Variants in VRTN observed in about 807,000 individuals in gnomAD.
VRTN encodes the protein vertnin.
VRTN carries 5 observed loss-of-function variants against 18.2 expected under a neutral mutation model. The ratio of observed to expected loss-of-function variants is 0.27; its 90% CI spans 0.14 to 0.58. The LOEUF (loss-of-function observed/expected upper bound fraction) is 0.58. Among genes scored for constraint, VRTN ranks in the 20% least tolerant of loss-of-function variants. The pLI is 0.91. For synonymous variants in VRTN, 381 were observed against 393.7 expected (o/e 0.97, Z 0.38); for missense variants, 741 against 939.4 (o/e 0.79, Z 2.76).
intron 1 of VRTN, among the ~76,000 whole-genome samples, chr14:74,308,180 C>T (rs1307885143): frequency 6.6e-6 from 1 of 152,034 alleles, no homozygotes; most frequent in Admixed American, 6.6e-5. Context: ...TTTGGGAGGC[C>T]AAGGCCAGAG....
At chr14:74,340,104 G>A (rs1280420012) in intron 2 of VRTN, among the ~76,000 whole-genome samples, 1 of 132,026 alleles carries the variant, frequency 7.6e-6, no homozygotes, top group East Asian at 2.5e-4. Context: ...CTCAGCTAAT[G>A]TTTGTATTTT....
chr14:74,307,763 C>T (rs564682724), intron 1 of VRTN, among the ~76,000 whole-genome samples: 1 of 152,014 alleles, frequency 6.6e-6, no homozygotes, highest in East Asian at 1.9e-4. Context: ...TGGAGTCTCG[C>T]TCTGTTGCCC....
upstream of VRTN, among the ~76,000 whole-genome samples, chr14:74,347,909 G>A (rs772940250): frequency 1.3e-5 from 2 of 152,182 alleles, no homozygotes; most frequent in Admixed American, 6.5e-5. Context: ...GATGCTCAGA[G>A]AATGGTGGAG....
At chr14:74,333,417 G>A (rs567894272) in intron 1 of VRTN, among the ~76,000 whole-genome samples, 1 of 151,674 alleles carries the variant, frequency 6.6e-6, no homozygotes, top group South Asian at 2.1e-4. Flanking sequence ...TTGAACCCGG[G>A]AGATCAAGGC....
upstream of VRTN, among the ~76,000 whole-genome samples, chr14:74,347,753 C>T (rs1295934211): frequency 6.6e-6 from 1 of 152,220 alleles, no homozygotes; most frequent in Non-Finnish European, 1.5e-5. Context: ...GGGGGAGGGA[C>T]CGAAGCTGCA....
chr14:74,340,855 A>G (rs78347345), intron 2 of VRTN, among the ~76,000 whole-genome samples: 2,563 of 152,232 alleles, frequency 0.017, 90 homozygotes, highest in East Asian at 0.15. Context: ...GGTTCAAGCA[A>G]TTCTCCTGCC....
upstream of VRTN, among the ~76,000 whole-genome samples, chr14:74,345,345 T>TC (rs2085636608): frequency 8.0e-6 from 1 of 125,516 alleles, no homozygotes; most frequent in Admixed American, 7.8e-5. Flanking sequence ...GCACCCTGCC[T>TC]ATTTTTTTTT....
At chr14:74,355,702 CT>C (rs370960274) in intron 1 of VRTN, among the ~76,000 whole-genome samples, 8 of 148,970 alleles carry the variant, frequency 5.4e-5, no homozygotes, top group Non-Finnish European at 7.5e-5. Context: ...GCCTGGCTAA[CT>C]TTTTTTTTTG....
At chr14:74,340,445 C>T (rs575694050) in intron 2 of VRTN, among the ~76,000 whole-genome samples, 3 of 151,540 alleles carry the variant, frequency 2.0e-5, no homozygotes, top group African/African-American at 7.3e-5. Context: ...GGGGTTTCAC[C>T]ATATTGGTCA....
intron 1 of VRTN, among the ~76,000 whole-genome samples, chr14:74,316,756 C>T (rs1005798697): frequency 6.6e-6 from 1 of 151,182 alleles, no homozygotes; most frequent in African/African-American, 2.4e-5. Flanking sequence ...CCTGCCTCAG[C>T]CTCCCGAGTA....
At position 74,334,242 on chromosome 14, in the gene VRTN, A is replaced by G. The variant is rs570947357; in HGVS notation, c.-163-3481A>G. Among the ~76,000 whole-genome samples the G allele has an allele frequency of 6.6e-5, 10 of 152,178 alleles. No individual in the cohort carries two copies. In the East Asian group the frequency reaches 1.9e-3, roughly 29 times the overall value. On this transcript the variant is annotated intron_variant, in intron 1 of 2. Coordinates refer to the VRTN transcript ENST00000557177. Reference sequence around the variant, plus strand: ...GATATAAGTTCATTAAAAACAATAAACCTAGGCTGGGCACAGTGGCTCATG... The same window carrying G: ...GATATAAGTTCATTAAAAACAATAAGCCTAGGCTGGGCACAGTGGCTCATG...
chr14:74,316,182 G>C (rs1458033619), intron 1 of VRTN, among the ~76,000 whole-genome samples: 1 of 152,024 alleles, frequency 6.6e-6, no homozygotes, highest in Non-Finnish European at 1.5e-5. Flanking sequence ...GTGCTTCTTG[G>C]GATAGGGTGG....
intron 1 of VRTN, among the ~76,000 whole-genome samples, chr14:74,309,905 C>T (rs972768491): frequency 2.0e-5 from 3 of 151,822 alleles, no homozygotes; most frequent in African/African-American, 7.3e-5. Flanking sequence ...TAGATGATGC[C>T]GTAGTTTCAT....
At position 74,357,491 on chromosome 14, in the gene VRTN, C is replaced by T. The variant is rs113130130; in HGVS notation, c.708C>T (p.Tyr236=). 18 of 1,612,768 alleles carry T rather than the reference C, an allele frequency of 1.1e-5. No homozygotes were observed. In the African/African-American group the frequency reaches 1.5e-4, roughly 13 times the overall value. The change falls in exon 2 of 2, where the codon TAC becomes TAT. Residue 236 remains tyrosine, a synonymous_variant. Coordinates refer to ENST00000256362, the MANE Select transcript of VRTN (RefSeq NM_018228.3). The surrounding 1 kb of genome is among the most constrained non-coding windows in gnomAD (Gnocchi z 7.8). The part of the protein sequence containing the change: ...PLTSHFFRHQ[Y]FAPVVGLEEV... ...CCAGCCACTTCTTCCGCCACCAGTA[C>T]TTTGCCCCTGTGGTGGGGCTGGAAG...
rs368393704 is a variant in VRTN at position 74,358,271 on chromosome 14, G to A, written c.1488G>A (p.Glu496=). Residue 496 remains glutamate (E), a synonymous_variant, in exon 2 of 2, where the codon GAG becomes GAA. Coordinates refer to ENST00000256362, the MANE Select transcript of VRTN (RefSeq NM_018228.3). This position sits in a 1 kb window ranked among gnomAD's most constrained non-coding sequence, Gnocchi z 5.4. ...GTGAGGACCCTCCCGCCCCCGGGGAGCTCCTGCCACTAAGGATGCCCCTGT... is the reference window on the plus strand; with the variant it reads ...GTGAGGACCCTCCCGCCCCCGGGGAACTCCTGCCACTAAGGATGCCCCTGT... ...ATGEDPPAPG[E]LLPLRMPLSR... The A allele has an allele frequency of 4.8e-5, 77 of 1,610,708 alleles. No homozygotes were observed. The highest frequency in any genetic ancestry group is 6.3e-5 in the Non-Finnish European group (74 of 1,178,200).
At chr14:74,311,474 G>A (rs1191759943) in intron 1 of VRTN, among the ~76,000 whole-genome samples, 1 of 150,304 alleles carries the variant, frequency 6.7e-6, no homozygotes, top group African/African-American at 2.5e-5. Context: ...AAGCTGGAGT[G>A]CAGTGGCGTG....
At chr14:74,352,414 T>A in intron 1 of VRTN, among the ~76,000 whole-genome samples, 1 of 152,048 alleles carries the variant, frequency 6.6e-6, no homozygotes, top group East Asian at 1.9e-4. Context: ...CCTGATCTCG[T>A]GATCCACCTG....
chr14:74,337,565 A>G (rs900725974), intron 1 of VRTN, among the ~76,000 whole-genome samples: 1 of 151,994 alleles, frequency 6.6e-6, no homozygotes, highest in African/African-American at 2.4e-5. Flanking sequence ...TCATGGATGA[A>G]ATAGAGAGGG....
intron 1 of VRTN, among the ~76,000 whole-genome samples, chr14:74,321,743 A>AT (rs1187514849): frequency 6.6e-6 from 1 of 151,818 alleles, no homozygotes; most frequent in Non-Finnish European, 1.5e-5. Context: ...ACCTCAGGTG[A>AT]TTCACTTGCC....
Sources: gnomAD v4.1 joint callset for allele counts (sites outside exome capture counted in the v4.1 genomes callset) on GRCh38, gnomAD v4.1.1 for gene constraint, Gnocchi (gnomAD v3.1) non-coding constraint, MANE v1.5 for transcripts, NCBI Gene and HGNC (gene_info 2026-07-23, HGNC 2026-07-21) for gene names.